The following CSMD1 variants were observed in gnomAD, a reference collection of about 807,000 sequenced individuals.
CSMD1 encodes CUB and sushi domain-containing protein 1.
A neutral mutation model predicts 417.5 loss-of-function variants in CSMD1; 213 were observed. The observed-to-expected ratio is 0.51, with a 90% confidence interval of 0.46 to 0.57. The LOEUF (loss-of-function observed/expected upper bound fraction) is 0.57, where lower values mean the gene tolerates loss of function less well. Ranked by LOEUF, CSMD1 falls within the 20% of genes least tolerant of loss-of-function variation. CSMD1 has a pLI of 0.00. For synonymous variants in CSMD1, 2,862 were observed against 1,736.8 expected (o/e 1.65, Z -16.11); for missense variants, 6,923 against 4,529.7 (o/e 1.53, Z -15.17).
At chr8:3,806,929 A>T (rs1800772258) in intron 5 of CSMD1, among the ~76,000 whole-genome samples, 1 of 152,258 alleles carries the variant, frequency 6.6e-6, no homozygotes, top group East Asian at 1.9e-4. Context: ...TACTTATTCT[A>T]ATTGTCAGAT....
intron 8 of CSMD1, among the ~76,000 whole-genome samples, chr8:3,588,105 G>C (rs1800683979): frequency 6.6e-6 from 1 of 151,888 alleles, no homozygotes; most frequent in Admixed American, 6.6e-5. Context: ...TTATATCTTT[G>C]TGTTTTCTAT....
intron 5 of CSMD1, among the ~76,000 whole-genome samples, chr8:3,870,379 T>C (rs939182041): frequency 1.3e-5 from 2 of 152,198 alleles, no homozygotes; most frequent in African/African-American, 4.8e-5. Flanking sequence ...TATGGATACC[T>C]CTTTTTTCCC....
At chr8:4,181,342 G>C (rs922549988) in intron 3 of CSMD1, among the ~76,000 whole-genome samples, 11 of 151,020 alleles carry the variant, frequency 7.3e-5, no homozygotes, top group Non-Finnish European at 1.5e-5. Context: ...GAAATGCAAT[G>C]GTACGGTTTC....
chr8:3,295,244 C>G (rs1329657812), intron 25 of CSMD1, among the ~76,000 whole-genome samples: 1 of 152,038 alleles, frequency 6.6e-6, no homozygotes, highest in Non-Finnish European at 1.5e-5. Context: ...CCTGCCTCAG[C>G]CTCCCGAGTA....
At chr8:4,850,938 CTTG>C (rs1435930385) in intron 1 of CSMD1, among the ~76,000 whole-genome samples, 3 of 125,814 alleles carry the variant, frequency 2.4e-5, no homozygotes, top group African/African-American at 7.7e-5. Flanking sequence ...TTTTTTTATC[CTTG>C]TTAATTTCCT....
chr8:3,075,885 C>CAAAAAA (rs754691568), intron 49 of CSMD1, among the ~76,000 whole-genome samples: 3 of 106,986 alleles, frequency 2.8e-5, no homozygotes, highest in South Asian at 3.0e-4. Context: ...ACTAAAAATA[C>CAAAAAA]AAAAAAAAAA....
At chr8:3,159,684 G>C (rs1184529312) in intron 38 of CSMD1, among the ~76,000 whole-genome samples, 1 of 152,152 alleles carries the variant, frequency 6.6e-6, no homozygotes, top group Non-Finnish European at 1.5e-5. Context: ...CTCAAAGCTT[G>C]GCATTGTTTG....
intron 5 of CSMD1, among the ~76,000 whole-genome samples, chr8:3,809,758 C>G (rs1254867583): frequency 6.6e-6 from 1 of 152,086 alleles, no homozygotes; most frequent in Non-Finnish European, 1.5e-5. Flanking sequence ...GGAGTTGAGA[C>G]AACAGGAAAG....
chr8:3,336,545 G>A (rs1351592186), intron 23 of CSMD1, among the ~76,000 whole-genome samples: 2 of 152,164 alleles, frequency 1.3e-5, no homozygotes, highest in South Asian at 2.1e-4. Flanking sequence ...TGTGGTGGTT[G>A]GGATTGAACA....
chr8:4,254,799 C>G (rs1368595033), intron 3 of CSMD1, among the ~76,000 whole-genome samples: 10 of 152,148 alleles, frequency 6.6e-5, no homozygotes, highest in Non-Finnish European at 2.9e-5. Flanking sequence ...AACAAGGTGA[C>G]AGGCTGCACC....
intron 12 of CSMD1, among the ~76,000 whole-genome samples, chr8:3,460,595 A>C (rs879267710): frequency 6.6e-6 from 1 of 152,150 alleles, no homozygotes; most frequent in Admixed American, 6.5e-5. Context: ...AAGCCGACTA[A>C]GGGTAAGAGA....
chr8:4,530,603 T>G (rs1796761997), intron 2 of CSMD1, among the ~76,000 whole-genome samples: 1 of 151,642 alleles, frequency 6.6e-6, no homozygotes, highest in South Asian at 2.1e-4. Flanking sequence ...GTACTTGATT[T>G]TCTGTTCCTG....
At chr8:3,200,623 G>A (rs1563136769) in intron 32 of CSMD1, among the ~76,000 whole-genome samples, 1 of 151,564 alleles carries the variant, frequency 6.6e-6, no homozygotes, top group Non-Finnish European at 1.5e-5. Flanking sequence ...CATATAAAAT[G>A]TGGAAGAGTC....
At chr8:4,030,052 C>G (rs1241456094) in intron 4 of CSMD1, among the ~76,000 whole-genome samples, 2 of 152,178 alleles carry the variant, frequency 1.3e-5, no homozygotes, top group African/African-American at 4.8e-5. Flanking sequence ...AGGTGTACCC[C>G]TGTGACTTTG....
At chr8:3,082,472 A>G (rs1236144575) in intron 49 of CSMD1, among the ~76,000 whole-genome samples, 8 of 152,136 alleles carry the variant, frequency 5.3e-5, no homozygotes, top group Admixed American at 4.6e-4. Context: ...CCGGATGACT[A>G]TCCATTCCTG....
intron 1 of CSMD1, among the ~76,000 whole-genome samples, chr8:4,696,623 G>T (rs566955579): frequency 6.6e-6 from 1 of 152,016 alleles, no homozygotes; most frequent in Admixed American, 6.6e-5. Context: ...TCCAAACAAC[G>T]TATTTCATAC....
chr8:4,116,299 T>C (rs1036692978), intron 3 of CSMD1, among the ~76,000 whole-genome samples: 46 of 152,054 alleles, frequency 3.0e-4, no homozygotes, highest in Non-Finnish European at 1.0e-4. Flanking sequence ...CAACATAAAA[T>C]AGAATCTTTA....
intron 8 of CSMD1, among the ~76,000 whole-genome samples, chr8:3,609,002 C>G (rs1584955543): frequency 6.6e-6 from 1 of 152,130 alleles, no homozygotes; most frequent in East Asian, 1.9e-4. Flanking sequence ...AGTCCGCACA[C>G]TACACACCCC....
intron 6 of CSMD1, among the ~76,000 whole-genome samples, chr8:3,740,485 G>A (rs1378955240): frequency 1.3e-5 from 2 of 152,196 alleles, no homozygotes; most frequent in African/African-American, 4.8e-5. Flanking sequence ...CCATCCTTCT[G>A]CGGTAAAATA....
Sources: allele counts gnomAD v4.1 joint callset (sites outside exome capture counted in the v4.1 genomes callset), GRCh38; gene constraint gnomAD v4.1.1; transcripts MANE v1.5; gene names NCBI Gene and HGNC (gene_info 2026-07-23, HGNC 2026-07-21).